Variants in CSMD1 observed in about 807,000 individuals in gnomAD.
CSMD1 encodes CUB and Sushi multiple domains 1.
Under a neutral mutation model 417.5 loss-of-function variants are expected in CSMD1, and 213 were observed. That is an observed-to-expected ratio of 0.51 (90% CI 0.46 to 0.57). The LOEUF is 0.57. Among genes scored for constraint, CSMD1 ranks in the 20% least tolerant of loss-of-function variants. CSMD1 has a pLI of 0.00. For synonymous variants in CSMD1, 2,862 were observed against 1,736.8 expected, an observed-to-expected ratio of 1.65 and a Z score of -16.11; for missense variants, 6,923 against 4,529.7, an observed-to-expected ratio of 1.53 and a Z score of -15.17.
At chr8:4,976,380 T>A (rs1250435741) in intron 1 of CSMD1, among the ~76,000 whole-genome samples, 1 of 152,238 alleles carries the variant, frequency 6.6e-6, no homozygotes, top group African/African-American at 2.4e-5. Context: ...TCTATTTACA[T>A]ACTACATTAA....
At chr8:4,573,779 C>A (rs1211338660) in intron 2 of CSMD1, among the ~76,000 whole-genome samples, 3 of 152,174 alleles carry the variant, frequency 2.0e-5, no homozygotes, top group Non-Finnish European at 2.9e-5. Context: ...ATCTATGAGC[C>A]GCTGACTGGG....
intron 3 of CSMD1, among the ~76,000 whole-genome samples, chr8:4,308,283 T>A (rs1798360560): frequency 6.6e-6 from 1 of 151,932 alleles, no homozygotes; most frequent in Non-Finnish European, 1.5e-5. Flanking sequence ...GTATAGTTGA[T>A]GGTGTGTGTG....
intron 3 of CSMD1, among the ~76,000 whole-genome samples, chr8:4,414,821 G>C (rs759639304): frequency 3.9e-5 from 6 of 152,148 alleles, no homozygotes; most frequent in African/African-American, 9.7e-5. Context: ...CTTAGAGTTA[G>C]TTATTGCCCT....
intron 8 of CSMD1, among the ~76,000 whole-genome samples, chr8:3,597,154 G>A (rs553354002): frequency 6.6e-6 from 1 of 152,272 alleles, no homozygotes; most frequent in South Asian, 2.1e-4. Flanking sequence ...CAAAATCAGA[G>A]GGAATCAATG....
chr8:3,871,477 T>A (rs1392497015), intron 5 of CSMD1, among the ~76,000 whole-genome samples: 2 of 152,180 alleles, frequency 1.3e-5, no homozygotes, highest in Non-Finnish European at 2.9e-5. Context: ...TGAGGTTGAA[T>A]TTATTTTCAT....
At chr8:3,209,681 C>G (rs2116784805) in intron 30 of CSMD1, among the ~76,000 whole-genome samples, 1 of 152,180 alleles carries the variant, frequency 6.6e-6, no homozygotes, top group South Asian at 2.1e-4. Context: ...AGGCCTGGTG[C>G]TTCTCACCTT....
chr8:4,402,708 G>A (rs1309159659), intron 3 of CSMD1, among the ~76,000 whole-genome samples: 3 of 151,406 alleles, frequency 2.0e-5, no homozygotes, highest in Non-Finnish European at 4.4e-5. Flanking sequence ...TGTGAAAACA[G>A]CCGTCATATC....
chr8:4,426,001 A>G (rs1025003246), intron 2 of CSMD1, among the ~76,000 whole-genome samples: 2 of 152,094 alleles, frequency 1.3e-5, no homozygotes, highest in Non-Finnish European at 2.9e-5. Context: ...GGTATACATT[A>G]AACATTTTAA....
chr8:3,602,971 C>G (rs1271224359), intron 8 of CSMD1, among the ~76,000 whole-genome samples: 1 of 152,120 alleles, frequency 6.6e-6, no homozygotes, highest in Non-Finnish European at 1.5e-5. Context: ...AATTACTTTT[C>G]TACTACAGAT....
intron 7 of CSMD1, among the ~76,000 whole-genome samples, chr8:3,654,616 A>C (rs987184008): frequency 2.6e-5 from 4 of 152,238 alleles, no homozygotes; most frequent in African/African-American, 7.2e-5. Flanking sequence ...TCTTTTTCAA[A>C]GCAGGGCAGC....
At chr8:3,651,284 G>A (rs1305530003) in intron 7 of CSMD1, among the ~76,000 whole-genome samples, 4 of 152,092 alleles carry the variant, frequency 2.6e-5, no homozygotes, top group Admixed American at 2.6e-4. Context: ...ATTTCACCTT[G>A]AGTAAAAGCC....
chr8:3,767,109 T>C (rs906667110), intron 5 of CSMD1, among the ~76,000 whole-genome samples: 4 of 152,210 alleles, frequency 2.6e-5, no homozygotes, highest in South Asian at 2.1e-4. Context: ...TCAAGTACAG[T>C]AGCCGTGGGG....
At chr8:4,282,094 T>C (rs1796816494) in intron 3 of CSMD1, among the ~76,000 whole-genome samples, 1 of 152,224 alleles carries the variant, frequency 6.6e-6, no homozygotes, top group Admixed American at 6.5e-5. Flanking sequence ...CATTCTTTTA[T>C]TAATCCAAGA....
chr8:3,180,886 C>T (rs1280034465), intron 37 of CSMD1, among the ~76,000 whole-genome samples: 4 of 151,996 alleles, frequency 2.6e-5, no homozygotes, highest in Non-Finnish European at 4.4e-5. Flanking sequence ...TCTGGTGATC[C>T]GCCCACCTCT....
At chr8:4,309,992 A>G (rs1436750584) in intron 3 of CSMD1, among the ~76,000 whole-genome samples, 3 of 152,170 alleles carry the variant, frequency 2.0e-5, no homozygotes, top group African/African-American at 7.2e-5. Context: ...ACACCAGACT[A>G]AGGAGTTTGG....
chr8:3,787,208 C>T (rs866177959), intron 5 of CSMD1, among the ~76,000 whole-genome samples: 3 of 151,954 alleles, frequency 2.0e-5, no homozygotes, highest in Non-Finnish European at 2.9e-5. Flanking sequence ...TTTTGTATTC[C>T]TATGCTGAGG....
chr8:4,459,623 T>C (rs1217676), intron 2 of CSMD1, among the ~76,000 whole-genome samples: 134,443 of 152,148 alleles, frequency 0.88, 59,499 homozygotes, highest in Middle Eastern at 0.97. Flanking sequence ...GATCGCATTG[T>C]GGGTTAGAAC....
At chr8:3,163,429 A>C (rs1345608762) in intron 37 of CSMD1, among the ~76,000 whole-genome samples, 1 of 150,920 alleles carries the variant, frequency 6.6e-6, no homozygotes, top group East Asian at 1.9e-4. Flanking sequence ...AAAAAAAAAC[A>C]GCAGGAGAAC....
intron 1 of CSMD1, chr8:4,787,461 T>C: frequency 1.3e-6 from 1 of 798,244 alleles, no homozygotes; most frequent in Non-Finnish European, 2.2e-6. Context: ...AAGAATCACC[T>C]GGAAGGAAAA....
Sources: allele counts gnomAD v4.1 joint callset (sites outside exome capture counted in the v4.1 genomes callset), GRCh38; gene constraint gnomAD v4.1.1; transcripts MANE v1.5; gene names NCBI Gene and HGNC (gene_info 2026-07-23, HGNC 2026-07-21).